Variants in BLOC1S5 observed in about 807,000 individuals in gnomAD.
The protein encoded by BLOC1S5 is biogenesis of lysosomal organelles complex 1 subunit 5, also known as biogenesis of lysosome-related organelles complex 1 subunit 5.
In BLOC1S5, 27 loss-of-function variants were observed where a neutral mutation model predicts 24.3. The ratio of observed to expected loss-of-function variants is 1.11; its 90% CI spans 0.82 to 1.53. The LOEUF is 1.53. BLOC1S5 is among the 40% of genes most tolerant of loss of function. The probability of loss-of-function intolerance (pLI) is 0.00; values close to 1 mark genes in which losing one functional copy is unlikely to be tolerated. For synonymous variants in BLOC1S5, 84 were observed against 74.5 expected (o/e 1.13, Z -0.66); for missense variants, 239 against 229.4 (o/e 1.04, Z -0.27).
intron 2 of BLOC1S5, among the ~76,000 whole-genome samples, chr6:8,060,530 T>C (rs75177253): frequency 0.049 from 7,385 of 152,160 alleles, 548 homozygotes; most frequent in African/African-American, 0.16. Flanking sequence ...AGACTGAAAT[T>C]AAGGAGACCA....
At chr6:8,047,156 TCTCTCACACACACACA>T (rs1320891037) in intron 2 of BLOC1S5, among the ~76,000 whole-genome samples, 1 of 59,592 alleles carries the variant, frequency 1.7e-5, no homozygotes, top group East Asian at 5.8e-4. Context: ...TCTCTCTCTC[TCTCTCACACACACACA>T]CACACACACA....
chr6:8,014,559 C>G lies in BLOC1S5; in HGVS notation c.*1090G>C, dbSNP rs897542252. ...AAAGTGTTGAGATTACAGGTGTGAG[C>G]CACTGCACCCAGCCTCAAATTAGAC... On this transcript the variant is annotated 3_prime_UTR_variant, in exon 5 of 5. Coordinates refer to ENST00000397457, the MANE Select transcript of BLOC1S5 (RefSeq NM_201280.3). The G allele has an allele frequency of 6.6e-6, 1 of 152,188 alleles. No homozygotes were observed. Among genetic ancestry groups the G allele is most frequent in the African/African-American group, 2.4e-5 (1 of 41,446 alleles). The allele number at this position is 152,188 out of a possible 1,614,324, so 9.4% of individuals were successfully genotyped here.
rs1399625296 is a variant in BLOC1S5, at chr6:8,014,085, G to A, written c.*1564C>T. 1 of 152,020 alleles carries A rather than the reference G, an allele frequency of 6.6e-6. No homozygotes were observed. The highest frequency in any genetic ancestry group is 1.5e-5 in the Non-Finnish European group (1 of 68,014). 9.4% of individuals were successfully genotyped at this position (152,020 alleles called of 1,614,324 possible). On this transcript the variant is annotated 3_prime_UTR_variant, in exon 5 of 5. Coordinates refer to ENST00000397457, the MANE Select transcript of BLOC1S5 (RefSeq NM_201280.3). ...CACAGGCAGGCATTGTCAATTTTCT[G>A]CAGTCGCCACACTGAGATAACACAA...
intron 4 of BLOC1S5, among the ~76,000 whole-genome samples, chr6:8,016,630 G>A (rs1017770890): frequency 6.6e-6 from 1 of 152,022 alleles, no homozygotes. Flanking sequence ...ATTTTGGGAA[G>A]CTGAGGCGGG....
At chr6:8,021,613 T>G (rs1290017924) in intron 4 of BLOC1S5, among the ~76,000 whole-genome samples, 1 of 151,714 alleles carries the variant, frequency 6.6e-6, no homozygotes, top group Non-Finnish European at 1.5e-5. Flanking sequence ...AAAATAGTAA[T>G]AAATAAATTT....
chr6:8,029,498 T>C (rs532928353), intron 3 of BLOC1S5, among the ~76,000 whole-genome samples: 2 of 152,254 alleles, frequency 1.3e-5, no homozygotes, highest in South Asian at 2.1e-4. Flanking sequence ...TGGAAAGCAT[T>C]TGTGATACCC....
At chr6:8,048,471 A>G (rs1407839514) in intron 2 of BLOC1S5, among the ~76,000 whole-genome samples, 1 of 151,692 alleles carries the variant, frequency 6.6e-6, no homozygotes, top group Admixed American at 6.6e-5. Context: ...GTTCATACTG[A>G]TAGTCAAACT....
At chr6:8,039,170 A>C (rs759503376) in intron 3 of BLOC1S5, among the ~76,000 whole-genome samples, 5 of 152,238 alleles carry the variant, frequency 3.3e-5, no homozygotes, top group Non-Finnish European at 5.9e-5. Flanking sequence ...TATTATGTTA[A>C]GTGAAATAAG....
chr6:8,053,726 T>C (rs1764211946), intron 2 of BLOC1S5, among the ~76,000 whole-genome samples: 2 of 152,224 alleles, frequency 1.3e-5, no homozygotes. Flanking sequence ...TACTTTTAAA[T>C]TCCCTTTCTT....
intron 2 of BLOC1S5, among the ~76,000 whole-genome samples, chr6:8,057,293 G>A (rs13207949): frequency 0.064 from 9,766 of 152,214 alleles, 435 homozygotes; most frequent in Middle Eastern, 0.13. Context: ...CAAAAAAGAC[G>A]TTAGAAAGTC....
chr6:8,053,164 C>T (rs772612105), intron 2 of BLOC1S5, among the ~76,000 whole-genome samples: 22 of 152,202 alleles, frequency 1.4e-4, no homozygotes, highest in East Asian at 3.9e-4. Context: ...GCTGTGAACA[C>T]GACTGAGATG....
chr6:8,064,348 A>C lies in BLOC1S5; in HGVS notation c.29T>G (p.Val10Gly), dbSNP rs779481426. ...ACCGCCCGGGGCGGCCTCACAACCCACAGGGGTCTCTGTCCCTCCGCCACT... is the reference window on the plus strand; with the variant it reads ...ACCGCCCGGGGCGGCCTCACAACCCCCAGGGGTCTCTGTCCCTCCGCCACT... MSGGGTETP[V>G]GCEAAPGGGS... is the part of the protein sequence containing the mutation. The change falls in exon 1 of 5, where the codon GTG (valine) becomes GGG (glycine). Residue 10 changes from valine to glycine, a missense_variant. By Grantham distance (109) the Val-to-Gly change is moderately radical. Transcript: ENST00000397457. 4.3e-6 allele frequency: 7 copies of C among 1,612,222 alleles called. No individual in the cohort carries two copies. The highest frequency in any genetic ancestry group is 5.1e-6 in the Non-Finnish European group (6 of 1,179,810).
intron 2 of BLOC1S5, among the ~76,000 whole-genome samples, chr6:8,047,304 C>A (rs1216705981): frequency 6.6e-6 from 1 of 151,694 alleles, no homozygotes; most frequent in Non-Finnish European, 1.5e-5. Flanking sequence ...GCCTCCCTGG[C>A]TCAAGCAATC....
At chr6:8,027,827 A>AC (rs1763161946) in intron 3 of BLOC1S5, among the ~76,000 whole-genome samples, 1 of 151,962 alleles carries the variant, frequency 6.6e-6, no homozygotes, top group Admixed American at 6.5e-5. Context: ...CATCTCAAAA[A>AC]AAAAAAAAAA....
At chr6:8,040,934 C>A (rs1301187422) in intron 3 of BLOC1S5, among the ~76,000 whole-genome samples, 3 of 152,066 alleles carry the variant, frequency 2.0e-5, no homozygotes. Context: ...GTCTCGTGTA[C>A]CACAGATGCA....
chr6:8,027,518 C>A, intron 3 of BLOC1S5: 1 of 440,466 alleles, frequency 2.3e-6, no homozygotes. Flanking sequence ...ATGATAACCA[C>A]TTAGAGTAGT....
chr6:8,046,106 A>C (rs1237589958), intron 2 of BLOC1S5, among the ~76,000 whole-genome samples: 2 of 152,110 alleles, frequency 1.3e-5, no homozygotes, highest in Admixed American at 1.3e-4. Flanking sequence ...ACCCAGGGGG[A>C]GGTAATTGAA....
intron 2 of BLOC1S5, among the ~76,000 whole-genome samples, chr6:8,056,983 G>A (rs1015449156): frequency 1.3e-5 from 2 of 152,166 alleles, no homozygotes; most frequent in South Asian, 2.1e-4. Context: ...TTGGGAGGCC[G>A]AGGCAGTTGG....
chr6:8,057,151 G>A (rs1043448414), intron 2 of BLOC1S5, among the ~76,000 whole-genome samples: 1 of 152,010 alleles, frequency 6.6e-6, no homozygotes, highest in East Asian at 1.9e-4. Flanking sequence ...TCTGGGAGGG[G>A]GAGGTTACAG....
Sources: allele counts gnomAD v4.1 joint callset (sites outside exome capture counted in the v4.1 genomes callset), GRCh38; gene constraint gnomAD v4.1.1; transcripts MANE v1.5; gene names NCBI Gene and HGNC (gene_info 2026-07-23, HGNC 2026-07-21).